GK5: variants seen among roughly 807,000 people sequenced by gnomAD.
The protein encoded by GK5 is glycerol kinase 5, also known as ATP:glycerol 3-phosphotransferase 5.
In GK5, 39 loss-of-function variants were observed where a neutral mutation model predicts 77.3. The ratio of observed to expected loss-of-function variants is 0.50; its 90% CI spans 0.39 to 0.66. The LOEUF (loss-of-function observed/expected upper bound fraction) is 0.66, where lower values mean the gene tolerates loss of function less well. GK5 is among the 30% of genes least tolerant of loss of function. GK5 has a pLI of 0.00. For missense variants in GK5, 487 were observed against 633.8 expected, an observed-to-expected ratio of 0.77 and a Z score of 2.49; for synonymous variants, 211 against 208.0, an observed-to-expected ratio of 1.01 and a Z score of -0.13.
intron 1 of GK5, among the ~76,000 whole-genome samples, chr3:142,218,977 T>A (rs1356818792): frequency 6.6e-6 from 1 of 152,178 alleles, no homozygotes; most frequent in African/African-American, 2.4e-5. Flanking sequence ...GGATTACAAA[T>A]ATGTACATGA....
intron 1 of GK5, among the ~76,000 whole-genome samples, chr3:142,217,327 A>C (rs1434971558): frequency 6.6e-6 from 1 of 152,198 alleles, no homozygotes. Flanking sequence ...AGAAAAAAGA[A>C]AGTCATAAAA....
At position 142,177,522 on chromosome 3, in the gene GK5, G is replaced by C. The variant is rs1471446392; in HGVS notation, c.1103C>G (p.Ser368Cys). The change falls in exon 12 of 16, where the codon TCT becomes TGT. Residue 368 changes from serine to cysteine, a missense_variant. Physicochemically the swap from Ser to Cys is moderately radical, Grantham distance 112. Coordinates refer to ENST00000392993, the MANE Select transcript of GK5 (RefSeq NM_001039547.3). ...TEKMAKSLED[S>C]EGVCFVPSFS... ...AGATGGAACAAAACAAACTCCTTCA[G>C]AATCCTCCAAACTTTTGGCCATTTT... is the stretch of plus-strand genomic sequence containing the variant. 6.2e-7 allele frequency: 1 copy of C among 1,612,632 alleles called. No individual in the cohort carries two copies. Among genetic ancestry groups the C allele is most frequent in the Non-Finnish European group, 8.5e-7 (1 of 1,178,902 alleles).
intron 15 of GK5, among the ~76,000 whole-genome samples, chr3:142,167,507 T>A (rs1336858390): frequency 6.6e-6 from 1 of 152,232 alleles, no homozygotes; most frequent in Non-Finnish European, 1.5e-5. Flanking sequence ...TTTCTTAAAA[T>A]CCTCATTTCC....
At chr3:142,171,346 G>T (rs1038874742) in intron 14 of GK5, 73 bp downstream of exon 14, 1 of 1,289,038 alleles carries the variant, frequency 7.8e-7, no homozygotes, top group Non-Finnish European at 1.0e-6. Flanking sequence ...AAAAAGAAAT[G>T]AGTGGTAGCT....
At chr3:142,218,524 G>C (rs2107799729) in intron 1 of GK5, among the ~76,000 whole-genome samples, 1 of 141,636 alleles carries the variant, frequency 7.1e-6, no homozygotes, top group Middle Eastern at 3.9e-3. Flanking sequence ...CTGGGCGACA[G>C]AGCAAGGCTC....
At chr3:142,179,688 CTGTT>C (rs995904542) in intron 11 of GK5, among the ~76,000 whole-genome samples, 5 of 152,300 alleles carry the variant, frequency 3.3e-5, no homozygotes, top group Admixed American at 2.6e-4. Context: ...ACATTCCTCA[CTGTT>C]TGTTTCATTC....
At chr3:142,223,786 C>T (rs772079376) in intron 1 of GK5, among the ~76,000 whole-genome samples, 22 of 152,102 alleles carry the variant, frequency 1.4e-4, no homozygotes, top group Non-Finnish European at 5.9e-5. Flanking sequence ...TGCAGTGAGC[C>T]GAGATCATGC....
At chr3:142,214,282 G>A (rs886287026) in intron 2 of GK5, among the ~76,000 whole-genome samples, 2 of 152,132 alleles carry the variant, frequency 1.3e-5, no homozygotes, top group Non-Finnish European at 2.9e-5. Context: ...GCTGGTTAAT[G>A]ACAATAAAGG....
rs182336722 is a variant in GK5, at chr3:142,176,628, C to T, written c.1143+854G>A. Among the ~76,000 whole-genome samples the T allele has an allele frequency of 9.3e-5, 14 of 151,092 alleles. 1 individual carries two copies. In the East Asian group the frequency reaches 2.5e-3, roughly 27 times the overall value. On this transcript the variant is annotated intron_variant, in intron 12 of 15. Coordinates refer to ENST00000392993, the MANE Select transcript of GK5 (RefSeq NM_001039547.3). ...TGATTAAGCAAAGTAATCAATACTC[C>T]ACCACAACAATTAATGAAAGGAGAT... is the stretch of plus-strand genomic sequence containing the variant.
intron 3 of GK5, among the ~76,000 whole-genome samples, chr3:142,211,959 T>C (rs2064193518): frequency 6.6e-6 from 1 of 152,206 alleles, no homozygotes. Context: ...ACCCAGCCCA[T>C]TCCTCCTTAC....
At chr3:142,200,409 C>A (rs2064003048) in intron 4 of GK5, among the ~76,000 whole-genome samples, 1 of 152,152 alleles carries the variant, frequency 6.6e-6, no homozygotes, top group African/African-American at 2.4e-5. Flanking sequence ...TTCAGGTGAT[C>A]CGCCCACCTT....
chr3:142,188,674 T>A (rs1052370223), intron 5 of GK5, among the ~76,000 whole-genome samples: 1 of 152,256 alleles, frequency 6.6e-6, no homozygotes, highest in Non-Finnish European at 1.5e-5. Context: ...GGAGAATATT[T>A]TGTGACACAT....
At chr3:142,210,329 A>C (rs915758193) in intron 3 of GK5, among the ~76,000 whole-genome samples, 6 of 152,156 alleles carry the variant, frequency 3.9e-5, no homozygotes, top group African/African-American at 1.4e-4. Context: ...AGGTTTTTCC[A>C]CAGGATCTAG....
intron 3 of GK5, among the ~76,000 whole-genome samples, chr3:142,213,174 A>T (rs2064219894): frequency 6.6e-6 from 1 of 152,202 alleles, no homozygotes; most frequent in Admixed American, 6.5e-5. Context: ...CTGAAAATAT[A>T]AACCATAGTA....
intron 9 of GK5, 154 bp downstream of exon 9, chr3:142,185,775 C>T: frequency 6.4e-7 from 1 of 1,557,366 alleles, no homozygotes; most frequent in Non-Finnish European, 8.7e-7. Context: ...ATATTCTGGT[C>T]ATATCCAGGG....
chr3:142,222,243 G>C (rs930553525), intron 1 of GK5, among the ~76,000 whole-genome samples: 6 of 152,138 alleles, frequency 3.9e-5, no homozygotes, highest in Non-Finnish European at 8.8e-5. Context: ...TGCAGTAAAG[G>C]ACCAGTTGCT....
Position 142,187,783 on chromosome 3 carries a change from G to C in GK5, c.544-4C>G. ...CTTCTTCAACTGCCTTTTGCACCTTGAAAACACAACAGCACAAAATCGATT... is the reference window on the plus strand; with the variant it reads ...CTTCTTCAACTGCCTTTTGCACCTTCAAAACACAACAGCACAAAATCGATT... On this transcript the variant is annotated splice_polypyrimidine_tract_variant and splice_region_variant and intron_variant, in intron 5 of 15. Transcript: ENST00000392993. 1 of 1,609,322 alleles carries C rather than the reference G, an allele frequency of 6.2e-7. No individual in the cohort carries two copies. Among genetic ancestry groups the C allele is most frequent in the Non-Finnish European group, 8.5e-7 (1 of 1,177,714 alleles).
At chr3:142,201,944 G>A (rs1365783647) in intron 4 of GK5, among the ~76,000 whole-genome samples, 1 of 152,164 alleles carries the variant, frequency 6.6e-6, no homozygotes, top group Non-Finnish European at 1.5e-5. Flanking sequence ...GGGCAAGGGG[G>A]TTCCTTTAAG....
chr3:142,159,853 C>CTTTTTTTTTTTTTT lies in GK5; in HGVS notation c.*5768_*5769insAAAAAAAAAAAAAA, dbSNP rs748129972. 13 of 106,112 alleles carry CTTTTTTTTTTTTTT rather than the reference C, an allele frequency of 1.2e-4. No individual in the cohort carries two copies. Among genetic ancestry groups the CTTTTTTTTTTTTTT allele is most frequent in the African/African-American group, 4.5e-4 (11 of 24,246 alleles). 6.6% of individuals were successfully genotyped at this position (106,112 alleles called of 1,614,324 possible). A position where few individuals can be genotyped will look rare whatever the true frequency, so the allele number is the denominator to read the frequency against. ...TTTCTCTCTCTCTCTCTCTCTCTCT[C>CTTTTTTTTTTTTTT]TTTTTTTTTTTTGAGACAGAGTCTC... On this transcript the variant is annotated 3_prime_UTR_variant, in exon 16 of 16. Coordinates refer to ENST00000392993, the MANE Select transcript of GK5 (RefSeq NM_001039547.3).
Sources: gnomAD v4.1 joint callset for allele counts (sites outside exome capture counted in the v4.1 genomes callset) on GRCh38, gnomAD v4.1.1 for gene constraint, MANE v1.5 for transcripts, NCBI Gene and HGNC (gene_info 2026-07-23, HGNC 2026-07-21) for gene names.